IL1R1: variants seen among roughly 807,000 people sequenced by gnomAD.
IL1R1 encodes the protein interleukin 1 receptor type 1.
IL1R1 carries 22 observed loss-of-function variants against 50.2 expected under a neutral mutation model. The observed-to-expected ratio is 0.44, with a 90% CI of 0.31 to 0.63. The LOEUF is 0.63. Ranked by LOEUF, IL1R1 falls within the 20% of genes least tolerant of loss-of-function variation. IL1R1 has a pLI of 0.07. For missense variants in IL1R1, 509 were observed against 676.2 expected (o/e 0.75, Z 2.74); for synonymous variants, 251 against 236.7 (o/e 1.06, Z -0.55).
intron 1 of IL1R1, among the ~76,000 whole-genome samples, chr2:102,119,758 C>T (rs1681303313): frequency 6.6e-6 from 1 of 152,174 alleles, no homozygotes; most frequent in African/African-American, 2.4e-5. Context: ...CACAATCAAG[C>T]TAACACATTC....
rs10664336 is a variant in IL1R1, at chr2:102,136,374, A to ATTTT, written c.-83-17550_-83-17547dup. Among the ~76,000 whole-genome samples the ATTTT allele has an allele frequency of 1.6e-3, 191 of 118,332 alleles. 1 individual carries two copies. Among genetic ancestry groups the ATTTT allele is most frequent in the East Asian group, 2.5e-3 (10 of 3,944 alleles). The allele number at this position is 118,332 out of a possible 152,430, so 77.6% of individuals were successfully genotyped here. A position where few individuals can be genotyped will look rare whatever the true frequency, so the allele number is the denominator to read the frequency against. Reference sequence around the variant, plus strand: ...CCTCAGGGCAATCATGGATAACAGTATTTTTTTTTTTTTTTTTTTTGAGAC... The same window carrying ATTTT: ...CCTCAGGGCAATCATGGATAACAGTATTTTTTTTTTTTTTTTTTTTTTTTGAGAC... On this transcript the variant is annotated intron_variant, in intron 1 of 10. Transcript: ENST00000409329.
chr2:102,084,137 A>G (rs1244881696), intron 1 of IL1R1, among the ~76,000 whole-genome samples: 2 of 152,196 alleles, frequency 1.3e-5, no homozygotes, highest in Admixed American at 6.5e-5. Context: ...TGTAGCAGTT[A>G]TAATGTGAGG....
At chr2:102,115,976 T>C (rs1281267106) in intron 1 of IL1R1, among the ~76,000 whole-genome samples, 1 of 152,190 alleles carries the variant, frequency 6.6e-6, no homozygotes, top group Non-Finnish European at 1.5e-5. Context: ...ACATCCAACC[T>C]TGCAGCAAAC....
At chr2:102,156,568 GTGGCACCATCT>G (rs1559494841) in intron 2 of IL1R1, among the ~76,000 whole-genome samples, 1 of 151,246 alleles carries the variant, frequency 6.6e-6, no homozygotes, top group Non-Finnish European at 1.5e-5. Flanking sequence ...CTGGAGTGCA[GTGGCACCATCT>G]TGGCTCACTG....
intron 1 of IL1R1, among the ~76,000 whole-genome samples, chr2:102,078,575 C>G (rs1469105393): frequency 7.0e-6 from 1 of 143,244 alleles, no homozygotes; most frequent in South Asian, 2.1e-4. Flanking sequence ...CACACACACA[C>G]ACACACACAC....
intron 1 of IL1R1, among the ~76,000 whole-genome samples, chr2:102,117,782 G>A (rs1292766045): frequency 1.3e-5 from 2 of 152,124 alleles, no homozygotes; most frequent in Admixed American, 6.5e-5. Context: ...ACATTGCCCA[G>A]TGTTCCGAGT....
intron 1 of IL1R1, among the ~76,000 whole-genome samples, chr2:102,124,090 G>A (rs1300310727): frequency 1.3e-5 from 2 of 152,132 alleles, no homozygotes; most frequent in Non-Finnish European, 2.9e-5. Context: ...AGCTGGCAGG[G>A]TGGACACCTG....
chr2:102,120,981 G>T (rs531368672), intron 1 of IL1R1, among the ~76,000 whole-genome samples: 3 of 152,186 alleles, frequency 2.0e-5, no homozygotes, highest in African/African-American at 7.2e-5. Context: ...ATCTCAGCTG[G>T]TCTTGGCAAG....
chr2:102,083,308 C>T lies in IL1R1; in HGVS notation c.-84+12775C>T, dbSNP rs113770423. On this transcript the variant is annotated intron_variant, in intron 1 of 11. Transcript: ENST00000409929. ...ATTCTCCACACATCAGCTGATGACT[C>T]GTACTGACAGTGTCTAGAATAGAAC... Among the ~76,000 whole-genome samples, 25 of 152,268 alleles carry T rather than the reference C, an allele frequency of 1.6e-4. 3 individuals carry two copies. Among genetic ancestry groups the T allele is most frequent in the East Asian group, 9.7e-4 (5 of 5,170 alleles).
At chr2:102,124,267 G>A (rs1681565227) in intron 1 of IL1R1, among the ~76,000 whole-genome samples, 1 of 151,738 alleles carries the variant, frequency 6.6e-6, no homozygotes, top group African/African-American at 2.4e-5. Flanking sequence ...ACTAAAAATA[G>A]AAAAATTAGC....
chr2:102,116,933 T>C (rs1281058218), intron 1 of IL1R1, among the ~76,000 whole-genome samples: 1 of 152,216 alleles, frequency 6.6e-6, no homozygotes. Flanking sequence ...ATTATTCCAT[T>C]GTGACGTGTT....
chr2:102,099,261 G>A (rs1333468641), intron 1 of IL1R1, among the ~76,000 whole-genome samples: 1 of 152,124 alleles, frequency 6.6e-6, no homozygotes, highest in Non-Finnish European at 1.5e-5. Context: ...TTTGTCATGA[G>A]GGCAAAACAA....
upstream of IL1R1, among the ~76,000 whole-genome samples, chr2:102,099,826 G>A (rs1484053353): frequency 6.6e-6 from 1 of 152,196 alleles, no homozygotes; most frequent in African/African-American, 2.4e-5. Context: ...ACAATATGAG[G>A]TTAGGGAACT....
At chr2:102,121,425 T>A (rs1477313400) in intron 1 of IL1R1, among the ~76,000 whole-genome samples, 2 of 152,348 alleles carry the variant, frequency 1.3e-5, no homozygotes, top group East Asian at 3.9e-4. Context: ...GAGACTGCCA[T>A]TTCCAGGCTG....
At chr2:102,160,564 T>C (rs1405351951) in intron 3 of IL1R1, among the ~76,000 whole-genome samples, 1 of 152,158 alleles carries the variant, frequency 6.6e-6, no homozygotes, top group African/African-American at 2.4e-5. Context: ...TTGCCCTTCA[T>C]GTGAGACTGC....
In IL1R1 at chr2:102,166,244, A is replaced by G; in HGVS notation, c.618A>G (p.Gln206=). ...CATCCTACACATACTTGGGCAAGCA[A>G]TATCCTATTACCCGGGTAATAGAAT... The part of the protein sequence containing the change: ...CHASYTYLGK[Q]YPITRVIEFI... Residue 206 remains glutamine (Q), a synonymous_variant, in exon 6 of 12, where the codon CAA becomes CAG. Coordinates refer to ENST00000410023, the MANE Select transcript of IL1R1 (RefSeq NM_000877.4). 3 of 1,613,766 alleles carry G rather than the reference A, an allele frequency of 1.9e-6. No individual in the cohort carries two copies. Among genetic ancestry groups the G allele is most frequent in the Non-Finnish European group, 2.5e-6 (3 of 1,179,792 alleles).
At chr2:102,168,694 A>T in intron 7 of IL1R1, 31 bp downstream of exon 7, 1 of 1,512,772 alleles carries the variant, frequency 6.6e-7, no homozygotes, top group Non-Finnish European at 9.1e-7. Flanking sequence ...GTATGCTGGA[A>T]TCGGTTTTTT....
chr2:102,073,345 T>G (rs1041364154), intron 1 of IL1R1, among the ~76,000 whole-genome samples: 3 of 152,172 alleles, frequency 2.0e-5, no homozygotes, highest in Non-Finnish European at 4.4e-5. Context: ...CAAACTCATC[T>G]GGCACCAAAA....
intron 1 of IL1R1, among the ~76,000 whole-genome samples, chr2:102,111,119 C>T (rs1680737201): frequency 6.6e-6 from 1 of 152,128 alleles, no homozygotes; most frequent in Admixed American, 6.5e-5. Context: ...GAGGCCAGAG[C>T]ATGGTGGGTG....
Sources: allele counts gnomAD v4.1 joint callset (sites outside exome capture counted in the v4.1 genomes callset), GRCh38; gene constraint gnomAD v4.1.1; transcripts MANE v1.5; gene names NCBI Gene and HGNC (gene_info 2026-07-23, HGNC 2026-07-21).